The following CREB1 variants were observed in gnomAD, a reference collection of about 807,000 sequenced individuals.
CREB1 encodes the protein cAMP responsive element binding protein 1.
In CREB1, 2 loss-of-function variants were observed where a neutral mutation model predicts 42.0. That is an observed-to-expected ratio of 0.05 (90% CI 0.02 to 0.15). CREB1 has a LOEUF of 0.15. Among genes scored for constraint, CREB1 ranks in the 10% least tolerant of loss-of-function variants. CREB1 has a pLI of 1.00. For missense variants in CREB1, 199 were observed against 388.9 expected (o/e 0.51, Z 4.11); for synonymous variants, 123 against 139.9 (o/e 0.88, Z 0.85).
intron 2 of CREB1, among the ~76,000 whole-genome samples, chr2:207,558,914 A>G (rs1338228670): frequency 1.3e-5 from 2 of 152,194 alleles, no homozygotes; most frequent in Non-Finnish European, 2.9e-5. Flanking sequence ...AAGTGCTGGG[A>G]TTACAGGCGT....
intron 1 of CREB1, among the ~76,000 whole-genome samples, chr2:207,544,109 CAG>C (rs1053393131): frequency 9.2e-5 from 14 of 151,686 alleles, no homozygotes; most frequent in African/African-American, 2.9e-4. Context: ...TTAGTAGAGA[CAG>C]AGTTTCACTG....
At chr2:207,538,294 A>G (rs1231540673) in intron 1 of CREB1, among the ~76,000 whole-genome samples, 1 of 152,186 alleles carries the variant, frequency 6.6e-6, no homozygotes, top group Non-Finnish European at 1.5e-5. Context: ...TCCAGTGATG[A>G]ATAATTACCT....
chr2:207,590,274 C>G (rs1192668917), intron 7 of CREB1, among the ~76,000 whole-genome samples: 3 of 151,524 alleles, frequency 2.0e-5, no homozygotes, highest in Admixed American at 2.0e-4. Context: ...TAGGGATGTC[C>G]CCCCGCTTCA....
In CREB1 at chr2:207,602,402, CAGCAAGTAAA is replaced by C. The variant is rs1559096366; in HGVS notation, c.*5347_*5356del. On this transcript the variant is annotated 3_prime_UTR_variant, in exon 8 of 8. Transcript: ENST00000353267. ...ATGATACATTTTTAATTATTCTCAC[CAGCAAGTAAA>C]AGGAAAATGAACAATCTTTTGGAAT... The C allele has an allele frequency of 3.0e-5, 6 of 201,690 alleles. No homozygotes were observed. The highest frequency in any genetic ancestry group is 1.6e-3 in the Middle Eastern group (1 of 638). 12.5% of individuals were successfully genotyped at this position (201,690 alleles called of 1,614,324 possible). A position where few individuals can be genotyped will look rare whatever the true frequency, so the allele number is the denominator to read the frequency against.
intron 3 of CREB1, among the ~76,000 whole-genome samples, chr2:207,561,545 G>A (rs773812631): frequency 6.6e-5 from 10 of 151,974 alleles, no homozygotes; most frequent in Non-Finnish European, 4.4e-5. Context: ...TCTATTCTCG[G>A]AAACTAGATT....
chr2:207,536,872 C>T (rs1482322369), intron 1 of CREB1, among the ~76,000 whole-genome samples: 1 of 151,832 alleles, frequency 6.6e-6, no homozygotes, highest in Non-Finnish European at 1.5e-5. Flanking sequence ...CGCCTGTAGT[C>T]CCAGCTGCTT....
intron 6 of CREB1, chr2:207,576,631 G>A (rs1458249725): frequency 1.6e-6 from 2 of 1,271,990 alleles, no homozygotes; most frequent in African/African-American, 1.5e-5. Context: ...TTACATGCAG[G>A]TACTCAAAAA....
At chr2:207,577,865 G>A in intron 7 of CREB1, 1 of 545,270 alleles carries the variant, frequency 1.8e-6, no homozygotes, top group Non-Finnish European at 3.2e-6. Context: ...TGATCGTGGA[G>A]TAGTTTTCTT....
intron 5 of CREB1, 45 bp downstream of exon 5, chr2:207,570,366 T>C: frequency 6.6e-7 from 1 of 1,523,842 alleles, no homozygotes. Flanking sequence ...GAGAAAAAAG[T>C]GAGGAGAAAA....
At chr2:207,595,091 G>A (rs2085871253) in intron 7 of CREB1, among the ~76,000 whole-genome samples, 1 of 150,970 alleles carries the variant, frequency 6.6e-6, no homozygotes, top group Non-Finnish European at 1.5e-5. Context: ...TGCCTCCCGG[G>A]TTTAAGTGAT....
In CREB1 at chr2:207,603,926, A is replaced by G. The variant is rs535618835; in HGVS notation, c.*6868A>G. On this transcript the variant is annotated 3_prime_UTR_variant, in exon 8 of 8. Coordinates refer to ENST00000353267, the MANE Select transcript of CREB1 (RefSeq NM_004379.5). ...GAGACATCTGAAAATAAGCAGCTGC[A>G]TTATTTGTATGTTTCTTCACTGCCA... is the stretch of plus-strand genomic sequence containing the variant. 6.6e-6 allele frequency among the ~76,000 whole-genome samples: 1 copy of G among 152,306 alleles called. No individual in the cohort carries two copies. Among genetic ancestry groups the G allele is most frequent in the East Asian group, 1.9e-4 (1 of 5,186 alleles).
intron 2 of CREB1, among the ~76,000 whole-genome samples, chr2:207,557,306 G>A (rs1384041038): frequency 6.6e-6 from 1 of 152,096 alleles, no homozygotes; most frequent in African/African-American, 2.4e-5. Flanking sequence ...CTCACAGTTT[G>A]TGTTTTTGAT....
chr2:207,588,135 A>ACTC (rs1553507838), intron 7 of CREB1, among the ~76,000 whole-genome samples: 1 of 9,564 alleles, frequency 1.0e-4, no homozygotes, highest in African/African-American at 1.2e-4. Context: ...TATCACACAG[A>ACTC]CTTCGTTTTC....
At chr2:207,564,046 A>G (rs2082050467) in intron 3 of CREB1, among the ~76,000 whole-genome samples, 1 of 152,066 alleles carries the variant, frequency 6.6e-6, no homozygotes, top group Admixed American at 6.5e-5. Context: ...TAAATTTTTA[A>G]TATTTATGCT....
At position 207,567,549 on chromosome 2, in the gene CREB1, G is replaced by A; in HGVS notation, c.348G>A (p.Arg116=). The stretch of plus-strand genomic sequence containing the variant: ...AAAAGCGAAGGGAAATTCTTTCAAG[G>A]AGGCCTTCCTACAGGTATGGAATTT... ...DSQKRREILS[R]RPSYRKILND... is the part of the protein sequence containing the mutation. Residue 116 remains arginine, a synonymous_variant, in exon 4 of 8, where the codon AGG becomes AGA. Coordinates refer to ENST00000353267, the MANE Select transcript of CREB1 (RefSeq NM_004379.5). The A allele has an allele frequency of 6.2e-7, 1 of 1,609,958 alleles. No homozygotes were observed. The highest frequency in any genetic ancestry group is 1.1e-5 in the South Asian group (1 of 90,884).
chr2:207,561,923 T>C (rs1341989910), intron 3 of CREB1, among the ~76,000 whole-genome samples: 1 of 152,184 alleles, frequency 6.6e-6, no homozygotes, highest in Non-Finnish European at 1.5e-5. Context: ...ACTTTGACAC[T>C]TAAGTGGGAG....
intron 1 of CREB1, among the ~76,000 whole-genome samples, chr2:207,539,637 G>T (rs1399344129): frequency 6.6e-6 from 1 of 152,180 alleles, no homozygotes; most frequent in Non-Finnish European, 1.5e-5. Context: ...TTACGGTATA[G>T]TAGGGATGAT....
intron 1 of CREB1, among the ~76,000 whole-genome samples, chr2:207,553,706 A>T (rs904219939): frequency 2.0e-5 from 3 of 152,174 alleles, no homozygotes; most frequent in Non-Finnish European, 2.9e-5. Context: ...ATTTGTTTTA[A>T]TTATCCAAGT....
In CREB1 at chr2:207,598,075, A is replaced by G. The variant is rs1399129003; in HGVS notation, c.*1017A>G. On this transcript the variant is annotated 3_prime_UTR_variant, in exon 8 of 8. Coordinates refer to ENST00000353267, the MANE Select transcript of CREB1 (RefSeq NM_004379.5). The stretch of plus-strand genomic sequence containing the variant: ...TGTCAAATAAAGCAAAGTGATATAT[A>G]TTTGTTTATGAAATGTTACATGTAG... The G allele has an allele frequency of 5.5e-6, 1 of 180,930 alleles. No individual in the cohort carries two copies. The highest frequency in any genetic ancestry group is 1.2e-5 in the Non-Finnish European group (1 of 84,720). The allele number at this position is 180,930 out of a possible 1,614,324, so 11.2% of individuals were successfully genotyped here. A position where few individuals can be genotyped will look rare whatever the true frequency, so the allele number is the denominator to read the frequency against.
Sources: allele counts gnomAD v4.1 joint callset (sites outside exome capture counted in the v4.1 genomes callset), GRCh38; gene constraint gnomAD v4.1.1; transcripts MANE v1.5; gene names NCBI Gene and HGNC (gene_info 2026-07-23, HGNC 2026-07-21).